The following RTRAF variants were observed in gnomAD, a reference collection of about 807,000 sequenced individuals.
RTRAF encodes the protein tRNA-splicing ligase complex subunit RTRAF.
A neutral mutation model predicts 34.4 loss-of-function variants in RTRAF; 14 were observed. The ratio of observed to expected loss-of-function variants is 0.41; its 90% CI spans 0.27 to 0.64. The LOEUF is 0.64. Among genes scored for constraint, RTRAF ranks in the 30% least tolerant of loss-of-function variants. RTRAF has a pLI of 0.34. For missense variants in RTRAF, 291 were observed against 288.4 expected (o/e 1.01, Z -0.06); for synonymous variants, 96 against 95.3 (o/e 1.01, Z -0.04).
At position 52,007,995 on chromosome 14, in the gene RTRAF, A is replaced by G. The variant is rs753277700; in HGVS notation, c.*3479A>G. On this transcript the variant is annotated 3_prime_UTR_variant, in exon 8 of 8. Transcript: ENST00000261700. ...GTAAGTTAAAAATCAAGATTGTAAA[A>G]GAATAGCCATGTAGCCTGTGGTAGG... 17 of 1,586,108 alleles carry G rather than the reference A, an allele frequency of 1.1e-5. No homozygotes were observed. The highest frequency in any genetic ancestry group is 1.5e-5 in the Non-Finnish European group (17 of 1,166,222).
rs1457721367 is a variant in RTRAF, at chr14:52,006,123, T to C, written c.*1607T>C. 6.5e-6 allele frequency: 3 copies of C among 459,230 alleles called. No individual in the cohort carries two copies. Among genetic ancestry groups the C allele is most frequent in the Non-Finnish European group, 4.0e-6 (1 of 249,224 alleles). The allele number at this position is 459,230 out of a possible 1,614,324, so 28.4% of individuals were successfully genotyped here. On this transcript the variant is annotated 3_prime_UTR_variant, in exon 8 of 8. Transcript: ENST00000261700. ...ACTTTAATGTTCCACAGTTCCTCAT[T>C]TGAGAACTAGTCTAAATAGTATTTT...
At chr14:51,991,560 C>A in intron 2 of RTRAF, 119 bp downstream of exon 2, 3 of 1,228,422 alleles carry the variant, frequency 2.4e-6, no homozygotes, top group Admixed American at 2.9e-5. Flanking sequence ...GTTAGGAAAG[C>A]TGGATTTCAG....
rs1890880653 is a variant in RTRAF at position 52,008,482 on chromosome 14, A to G, written c.*3966A>G. On this transcript the variant is annotated 3_prime_UTR_variant, in exon 8 of 8. Transcript: ENST00000261700. ...CCTGACTCACAGAAACTGTGAGACT[A>G]AATGTTATCTTACACTGCTGAGGGT... 1 of 152,734 alleles carries G rather than the reference A, an allele frequency of 6.5e-6. No homozygotes were observed. Among genetic ancestry groups the G allele is most frequent in the Non-Finnish European group, 1.5e-5 (1 of 68,416 alleles). The allele number at this position is 152,734 out of a possible 1,614,324, so 9.5% of individuals were successfully genotyped here.
Position 52,009,874 on chromosome 14 carries a change from C to G in RTRAF, c.*5358C>G, listed in dbSNP as rs942240888. ...TGGTGGCACATGCCTGTAGTCCCAG[C>G]TACTTGGGAGGCTGAGGCAGGAGAA... On this transcript the variant is annotated 3_prime_UTR_variant, in exon 8 of 8. Transcript: ENST00000261700. 1 of 152,310 alleles carries G rather than the reference C, an allele frequency of 6.6e-6. No homozygotes were observed. Among genetic ancestry groups the G allele is most frequent in the Non-Finnish European group, 1.5e-5 (1 of 68,176 alleles). 9.4% of individuals were successfully genotyped at this position (152,310 alleles called of 1,614,324 possible). A position where few individuals can be genotyped will look rare whatever the true frequency, so the allele number is the denominator to read the frequency against.
chr14:51,993,504 C>G (rs925629871), intron 2 of RTRAF, among the ~76,000 whole-genome samples: 17 of 152,150 alleles, frequency 1.1e-4, no homozygotes, highest in African/African-American at 4.1e-4. Context: ...GCTTTCTCAT[C>G]TATAAAATGA....
chr14:51,993,296 T>C (rs1439907770), intron 2 of RTRAF, among the ~76,000 whole-genome samples: 1 of 152,196 alleles, frequency 6.6e-6, no homozygotes, highest in Admixed American at 6.5e-5. Context: ...GTATGTTACA[T>C]GGCTACTCTT....
rs1487696068 is a variant in RTRAF at position 52,006,488 on chromosome 14, T to C, written c.*1972T>C. ...TTTTGGTAAAACAAGTGGTGTGTCC[T>C]CTGGAACAGTTGGCCTTTTCAGGCT... On this transcript the variant is annotated 3_prime_UTR_variant, in exon 8 of 8. Transcript: ENST00000261700. 1.9e-6 allele frequency: 3 copies of C among 1,609,872 alleles called. No individual in the cohort carries two copies. The highest frequency in any genetic ancestry group is 2.2e-5 in the South Asian group (2 of 90,564).
At position 51,989,551 on chromosome 14, in the gene RTRAF, G is replaced by C. The variant is rs1315057624; in HGVS notation, c.-89G>C. On this transcript the variant is annotated 5_prime_UTR_variant, in exon 1 of 8. Coordinates refer to ENST00000261700, the MANE Select transcript of RTRAF (RefSeq NM_016039.3). ...CGACTCAGCGCCTGCCCGCCCTCTC[G>C]CCGCGTCGCCGGTGCCTGCGCCTCC... The C allele has an allele frequency of 7.1e-7, 1 of 1,411,038 alleles. No homozygotes were observed. Among genetic ancestry groups the C allele is most frequent in the South Asian group, 1.3e-5 (1 of 78,130 alleles). 87.4% of individuals were successfully genotyped at this position (1,411,038 alleles called of 1,614,324 possible).
Position 52,005,815 on chromosome 14 carries a change from G to A in RTRAF, c.*1299G>A. ...TCTGGGAGATACTCATCAGTAAACTGGCCACTATGTTTATTTACTGATACA... is the reference window on the plus strand; with the variant it reads ...TCTGGGAGATACTCATCAGTAAACTAGCCACTATGTTTATTTACTGATACA... On this transcript the variant is annotated 3_prime_UTR_variant, in exon 8 of 8. Coordinates refer to ENST00000261700, the MANE Select transcript of RTRAF (RefSeq NM_016039.3). 6.2e-7 allele frequency: 1 copy of A among 1,613,552 alleles called. No individual in the cohort carries two copies. The highest frequency in any genetic ancestry group is 1.1e-5 in the South Asian group (1 of 91,068).
chr14:51,991,340 A>T lies in RTRAF; in HGVS notation c.85A>T (p.Ile29Phe). ...AGATGAAACAGAATTTAGAAACTTC[A>T]TCGTTTGGCTTGAAGACCAGAAAAT... ...CKDETEFRNFIVWLEDQKIRH... is the reference protein window; with the variant it reads ...CKDETEFRNFFVWLEDQKIRH... Residue 29 changes from isoleucine to phenylalanine, a missense_variant, in exon 2 of 8, where the codon ATC becomes TTC. Transcript: ENST00000261700. 6.2e-7 allele frequency: 1 copy of T among 1,613,472 alleles called. No homozygotes were observed. The highest frequency in any genetic ancestry group is 8.5e-7 in the Non-Finnish European group (1 of 1,179,618).
chr14:51,997,133 A>G (rs1441172580), intron 3 of RTRAF, among the ~76,000 whole-genome samples: 8 of 151,922 alleles, frequency 5.3e-5, no homozygotes, highest in African/African-American at 9.7e-5. Context: ...TAAAGTTACT[A>G]TTTTCCTCTT....
intron 1 of RTRAF, among the ~76,000 whole-genome samples, chr14:51,990,162 A>T (rs1393021813): frequency 1.3e-5 from 2 of 152,098 alleles, no homozygotes. Flanking sequence ...ATCAGAACCC[A>T]CTGAGCAGTT....
intron 4 of RTRAF, chr14:51,999,278 C>T (rs1197350789): frequency 6.4e-6 from 1 of 155,586 alleles, no homozygotes. Flanking sequence ...AATACAGATA[C>T]TCCTTGACTT....
At chr14:52,002,142 T>G (rs1401151598) in intron 6 of RTRAF, among the ~76,000 whole-genome samples, 2 of 152,220 alleles carry the variant, frequency 1.3e-5, no homozygotes, top group African/African-American at 4.8e-5. Context: ...TGTGGCCCGT[T>G]GAAGTTTATT....
rs888143236 is a variant in RTRAF, at chr14:52,008,805, T to C, written c.*4289T>C. ...GACCAGGGATTTGAGAAGGAAACTGTTCTTTCTTCTGCCAAAAATACAATT... is the reference window on the plus strand; with the variant it reads ...GACCAGGGATTTGAGAAGGAAACTGCTCTTTCTTCTGCCAAAAATACAATT... On this transcript the variant is annotated 3_prime_UTR_variant, in exon 8 of 8. Coordinates refer to ENST00000261700, the MANE Select transcript of RTRAF (RefSeq NM_016039.3). 1.3e-5 allele frequency: 2 copies of C among 152,216 alleles called. No individual in the cohort carries two copies. Among genetic ancestry groups the C allele is most frequent in the African/African-American group, 2.4e-5 (1 of 41,454 alleles). The allele number at this position is 152,216 out of a possible 1,614,324, so 9.4% of individuals were successfully genotyped here.
intron 6 of RTRAF, chr14:52,003,950 T>TGGATGAGCTA: frequency 2.0e-6 from 1 of 501,014 alleles, no homozygotes; most frequent in Non-Finnish European, 3.6e-6. Context: ...GCTAAAGGAT[T>TGGATGAGCTA]GGATGAGCTA....
rs936206834 is a variant in RTRAF at position 52,008,269 on chromosome 14, C to G, written c.*3753C>G. 3.2e-5 allele frequency: 8 copies of G among 248,046 alleles called. No individual in the cohort carries two copies. The highest frequency in any genetic ancestry group is 1.8e-4 in the African/African-American group (8 of 44,316). 15.4% of individuals were successfully genotyped at this position (248,046 alleles called of 1,614,324 possible). A position where few individuals can be genotyped will look rare whatever the true frequency, so the allele number is the denominator to read the frequency against. ...GCTACCCTGTAAAGGGGAACATGTGCCAAGGAACTGATGTCCTTGAGGGCT... is the reference window on the plus strand; with the variant it reads ...GCTACCCTGTAAAGGGGAACATGTGGCAAGGAACTGATGTCCTTGAGGGCT... On this transcript the variant is annotated 3_prime_UTR_variant, in exon 8 of 8. Coordinates refer to ENST00000261700, the MANE Select transcript of RTRAF (RefSeq NM_016039.3).
Position 52,006,577 on chromosome 14 carries a change from C to T in RTRAF, c.*2061C>T, listed in dbSNP as rs747447045. The T allele has an allele frequency of 1.2e-5, 19 of 1,613,672 alleles. No individual in the cohort carries two copies. The East Asian group carries it at 3.3e-4, about 28-fold the overall frequency. On this transcript the variant is annotated 3_prime_UTR_variant, in exon 8 of 8. Coordinates refer to ENST00000261700, the MANE Select transcript of RTRAF (RefSeq NM_016039.3). The stretch of plus-strand genomic sequence containing the variant: ...TGGTAGAAGTGATCTGCATAGCTTA[C>T]GATGCTGAAGGGGTACTTGAGGTTG...
rs753148813 is a variant in RTRAF, at chr14:52,009,346, A to C, written c.*4830A>C. ...ACAAGCTCACACAGATATTTGGTGT[A>C]AATTATTTGGGGATTGCCAGAGGAA... is the stretch of plus-strand genomic sequence containing the variant. On this transcript the variant is annotated 3_prime_UTR_variant, in exon 8 of 8. Transcript: ENST00000261700. 1.3e-5 allele frequency: 2 copies of C among 152,230 alleles called. No individual in the cohort carries two copies. The highest frequency in any genetic ancestry group is 6.5e-5 in the Admixed American group (1 of 15,284). The allele number at this position is 152,230 out of a possible 1,614,324, so 9.4% of individuals were successfully genotyped here.
Sources: gnomAD v4.1 joint callset for allele counts (sites outside exome capture counted in the v4.1 genomes callset) on GRCh38, gnomAD v4.1.1 for gene constraint, MANE v1.5 for transcripts, NCBI Gene and HGNC (gene_info 2026-07-23, HGNC 2026-07-21) for gene names.